Variants in VPS13C observed in about 807,000 individuals in gnomAD.
VPS13C encodes the protein vacuolar protein sorting 13 homolog C, also known as intermembrane lipid transfer protein VPS13C.
Under a neutral mutation model 456.8 loss-of-function variants are expected in VPS13C, and 358 were observed. The ratio of observed to expected loss-of-function variants is 0.78; its 90% CI spans 0.72 to 0.86. The LOEUF (loss-of-function observed/expected upper bound fraction) is 0.86. VPS13C is among the 40% of genes least tolerant of loss of function. The pLI, the probability that VPS13C is intolerant of heterozygous loss-of-function variation, is 0.00. For missense variants in VPS13C, 4,818 were observed against 4,385.4 expected, an observed-to-expected ratio of 1.10 and a Z score of -2.79; for synonymous variants, 1,578 against 1,486.7, an observed-to-expected ratio of 1.06 and a Z score of -1.41.
intron 53 of VPS13C, among the ~76,000 whole-genome samples, chr15:61,925,104 C>T (rs2043801354): frequency 6.6e-6 from 1 of 152,018 alleles, no homozygotes. Context: ...GAACTTATTA[C>T]AAATAAAGTA....
chr15:62,007,533 C>G, intron 14 of VPS13C, 54 bp from the exon 15 acceptor site: 1 of 1,412,566 alleles, frequency 7.1e-7, no homozygotes. Context: ...TAAGAGAAAA[C>G]AGGAAAAGTC....
intron 4 of VPS13C, among the ~76,000 whole-genome samples, chr15:62,034,453 C>A (rs2047917684): frequency 6.6e-6 from 1 of 151,504 alleles, no homozygotes; most frequent in Admixed American, 6.6e-5. Flanking sequence ...AAAGATATTA[C>A]TTAAACATCA....
chr15:61,880,199 G>A (rs1364809), intron 73 of VPS13C, among the ~76,000 whole-genome samples: 3 of 151,972 alleles, frequency 2.0e-5, no homozygotes, highest in Non-Finnish European at 4.4e-5. Context: ...ATTTTGGAAG[G>A]GGGGAAAAAC....
At position 61,922,711 on chromosome 15, in the gene VPS13C, G is replaced by C. The variant is rs1387931094; in HGVS notation, c.6661C>G (p.Pro2221Ala). The C allele has an allele frequency of 1.9e-6, 3 of 1,613,344 alleles. No homozygotes were observed. In the Admixed American group the frequency reaches 5.0e-5, roughly 27 times the overall value. ...TTGGATCCATCTTCTTTTGTTTTTG[G>C]AGACAATGCAGCCATGATTGTCAAC... ...TVLTIMAALS[P>A]KTKEDGSKDT... is the part of the protein sequence containing the mutation. The change falls in exon 54 of 85, where the codon CCA becomes GCA. Residue 2221 changes from proline (P) to alanine (A), a missense_variant. Pro to Ala is a conservative substitution (Grantham distance 27). Transcript: ENST00000644861.
intron 13 of VPS13C, among the ~76,000 whole-genome samples, 190 bp downstream of exon 13, chr15:62,010,282 G>C (rs2046995340): frequency 6.6e-6 from 1 of 151,968 alleles, no homozygotes; most frequent in South Asian, 2.1e-4. Context: ...TTTAGGAAAA[G>C]ATGAAATAAA....
At position 61,873,289 on chromosome 15, in the gene VPS13C, T is replaced by A; in HGVS notation, c.10535A>T (p.Asp3512Val). ...RREELSRQPR[D>V]FGDSLARGGK... ...TCCTCTGGCCAGGCTGTCTCCAAAA[T>A]CTCTGGGCTGTCGACTCAACTCTTC... is the stretch of plus-strand genomic sequence containing the variant. Residue 3512 changes from aspartate (D) to valine (V), a missense_variant, in exon 78 of 85, where the codon GAT becomes GTT. Coordinates refer to ENST00000644861, the MANE Select transcript of VPS13C (RefSeq NM_020821.3). 6.2e-7 allele frequency: 1 copy of A among 1,613,750 alleles called. No individual in the cohort carries two copies. Among genetic ancestry groups the A allele is most frequent in the Non-Finnish European group, 8.5e-7 (1 of 1,179,750 alleles).
At position 61,978,744 on chromosome 15, in the gene VPS13C, G is replaced by C; in HGVS notation, c.2172C>G (p.Asn724Lys). 1 of 1,587,650 alleles carries C rather than the reference G, an allele frequency of 6.3e-7. No homozygotes were observed. Among genetic ancestry groups the C allele is most frequent in the Non-Finnish European group, 8.5e-7 (1 of 1,170,806 alleles). Reference protein sequence around the residue: ...LILDFGTFQLNSKDQGLQKTT... With the variant: ...LILDFGTFQLKSKDQGLQKTT... Reference sequence around the variant, plus strand: ...TCTTCTGTAAACCTTGATCTTTACTGTTGAGCTAAAATGAAGGACAAATTT... The same window carrying C: ...TCTTCTGTAAACCTTGATCTTTACTCTTGAGCTAAAATGAAGGACAAATTT... Residue 724 changes from asparagine (N) to lysine (K), a missense_variant, in exon 23 of 85, where the codon AAC becomes AAG. Physicochemically the swap from Asn to Lys is moderately conservative, Grantham distance 94. Transcript: ENST00000644861.
chr15:61,996,098 GA>G (rs556861167), intron 16 of VPS13C, among the ~76,000 whole-genome samples: 2 of 152,154 alleles, frequency 1.3e-5, no homozygotes, highest in Non-Finnish European at 2.9e-5. Context: ...TGGAGAAGGG[GA>G]TATCTCTTAA....
chr15:61,886,442 ACATT>A (rs1488790807), intron 67 of VPS13C, among the ~76,000 whole-genome samples: 2 of 152,134 alleles, frequency 1.3e-5, no homozygotes, highest in Non-Finnish European at 2.9e-5. Context: ...TAAAAGATGA[ACATT>A]CAAAGTTCAC....
In VPS13C at chr15:61,867,856, A is replaced by G; in HGVS notation, c.10863+803T>C. 1 of 1,577,208 alleles carries G rather than the reference A, an allele frequency of 6.3e-7. No individual in the cohort carries two copies. Among genetic ancestry groups the G allele is most frequent in the Non-Finnish European group, 8.6e-7 (1 of 1,162,786 alleles). On this transcript the variant is annotated intron_variant, in intron 81 of 84. Coordinates refer to ENST00000644861, the MANE Select transcript of VPS13C (RefSeq NM_020821.3). The surrounding 1 kb of genome is among the most constrained non-coding windows in gnomAD (Gnocchi z 5.0). Reference sequence around the variant, plus strand: ...TTAAAATTGACAATGGAATTCACACACAGTCAATTAACACCACAGTTTGTT... The same window carrying G: ...TTAAAATTGACAATGGAATTCACACGCAGTCAATTAACACCACAGTTTGTT...
chr15:62,021,403 A>C (rs1213827564), intron 8 of VPS13C, among the ~76,000 whole-genome samples: 2 of 151,952 alleles, frequency 1.3e-5, no homozygotes, highest in African/African-American at 4.8e-5. Context: ...CTTAATATTT[A>C]ATTTCTTTAG....
chr15:61,984,960 AG>A lies in VPS13C; in HGVS notation c.1617del (p.Ser540LeufsTer4), dbSNP rs1220344725. The A allele has an allele frequency of 6.2e-7, 1 of 1,604,362 alleles. No homozygotes were observed. Among genetic ancestry groups the A allele is most frequent in the Admixed American group, 1.7e-5 (1 of 58,076 alleles). On this transcript the variant is annotated frameshift_variant, in exon 19 of 85. Transcript: ENST00000644861. LOFTEE classifies it high-confidence loss of function. ...TTCTTGTTTTCTCTTATCGTAACAG[AG>A]GTGCTTACTAACTTCAGGGTCATAA... ...AHIMTLKLVS[T>X]SVTIRENKNI...
At chr15:61,936,897 G>A (rs1294387116) in intron 47 of VPS13C, 147 bp from the exon 48 acceptor site, 9 of 896,512 alleles carry the variant, frequency 1.0e-5, no homozygotes, top group Non-Finnish European at 1.5e-5. Context: ...TACCAGAACA[G>A]AAGTATTTCA....
Position 61,867,286 on chromosome 15 carries a change from A to T in VPS13C, c.10863+1373T>A. 1.0e-6 allele frequency: 1 copy of T among 984,760 alleles called. No individual in the cohort carries two copies. Among genetic ancestry groups the T allele is most frequent in the South Asian group, 4.7e-5 (1 of 21,280 alleles). The allele number at this position is 984,760 out of a possible 1,614,324, so 61.0% of individuals were successfully genotyped here. Reference sequence around the variant, plus strand: ...AAAGGCTGAAAATGTATATAACATAATTATAAAATGGCTATCATTTATTTA... The same window carrying T: ...AAAGGCTGAAAATGTATATAACATATTTATAAAATGGCTATCATTTATTTA... On this transcript the variant is annotated intron_variant, in intron 81 of 84. Transcript: ENST00000644861. This position sits in a 1 kb window ranked among gnomAD's most constrained non-coding sequence, Gnocchi z 5.0.
intron 67 of VPS13C, among the ~76,000 whole-genome samples, chr15:61,889,892 C>T (rs191579504): frequency 1.1e-4 from 16 of 152,108 alleles, no homozygotes; most frequent in East Asian, 3.9e-4. Context: ...CACACACACA[C>T]GCACACATTA....
At chr15:62,012,225 C>A in intron 11 of VPS13C, 61 bp from the exon 12 acceptor site, 2 of 173,218 alleles carry the variant, frequency 1.2e-5, no homozygotes, top group Middle Eastern at 6.3e-4. Flanking sequence ...GACTCAGACA[C>A]ACACACACAC....
chr15:62,003,384 T>C (rs1448523566), intron 15 of VPS13C, among the ~76,000 whole-genome samples: 2 of 151,902 alleles, frequency 1.3e-5, no homozygotes, highest in Non-Finnish European at 1.5e-5. Flanking sequence ...CCTGAGACTT[T>C]GCTGAAGTTG....
In VPS13C at chr15:61,880,852, T is replaced by C. The variant is rs1426401813; in HGVS notation, c.9879A>G (p.Glu3293=). 5 of 1,587,430 alleles carry C rather than the reference T, an allele frequency of 3.1e-6. No individual in the cohort carries two copies. The highest frequency in any genetic ancestry group is 3.4e-6 in the Non-Finnish European group (4 of 1,172,828). Residue 3293 remains glutamate (E), a synonymous_variant, in exon 72 of 85, where the codon GAA becomes GAG. Coordinates refer to ENST00000644861, the MANE Select transcript of VPS13C (RefSeq NM_020821.3). ...LFTPTTDPEA[E]RRRTKLIQQD... is the part of the protein sequence containing the mutation. Reference sequence around the variant, plus strand: ...AAATAAAAATTTTTACCCGTCTTCTTTCAGCTTCAGGGTCTGTTGTTGGGG... The same window carrying C: ...AAATAAAAATTTTTACCCGTCTTCTCTCAGCTTCAGGGTCTGTTGTTGGGG...
At chr15:61,972,483 T>C (rs2045584484) in intron 27 of VPS13C, 142 bp downstream of exon 27, 3 of 673,076 alleles carry the variant, frequency 4.5e-6, no homozygotes, top group Non-Finnish European at 7.3e-6. Flanking sequence ...TGTGTGAGAG[T>C]GTGTATGTGC....
Sources: allele counts gnomAD v4.1 joint callset (sites outside exome capture counted in the v4.1 genomes callset), GRCh38; gene constraint gnomAD v4.1.1; non-coding constraint Gnocchi (gnomAD v3.1); transcripts MANE v1.5; gene names NCBI Gene and HGNC (gene_info 2026-07-23, HGNC 2026-07-21).